ADCK1: variants seen among roughly 807,000 people sequenced by gnomAD.
ADCK1 encodes the protein aarF domain-containing protein kinase 1.
ADCK1 carries 41 observed loss-of-function variants against 52.3 expected under a neutral mutation model. That is an observed-to-expected ratio of 0.78 (90% CI 0.61 to 1.02). The LOEUF is 1.02. Among genes scored for constraint, ADCK1 ranks in the 50% least tolerant of loss-of-function variants. ADCK1 has a pLI of 0.00. For synonymous variants in ADCK1, 250 were observed against 274.6 expected, an observed-to-expected ratio of 0.91 and a Z score of 0.89; for missense variants, 658 against 679.5, an observed-to-expected ratio of 0.97 and a Z score of 0.35.
chr14:77,804,375 C>T (rs983692296), intron 1 of ADCK1, among the ~76,000 whole-genome samples: 3 of 152,206 alleles, frequency 2.0e-5, no homozygotes, highest in South Asian at 2.1e-4. Context: ...TAGCTCCAGT[C>T]TATTTAGATG....
At position 77,836,049 on chromosome 14, in the gene ADCK1, A is replaced by C. The variant is rs193033767; in HGVS notation, c.219+13531A>C. 2.6e-5 allele frequency among the ~76,000 whole-genome samples: 4 copies of C among 152,308 alleles called. No homozygotes were observed. The East Asian group carries it at 7.7e-4, about 29-fold the overall frequency. ...TGAGAAGTAGGACCTTCAAGAGATAATTAGGTCATAAGGGCTCTGCCCTCA... is the reference window on the plus strand; with the variant it reads ...TGAGAAGTAGGACCTTCAAGAGATACTTAGGTCATAAGGGCTCTGCCCTCA... On this transcript the variant is annotated intron_variant, in intron 3 of 10. Coordinates refer to ENST00000238561, the MANE Select transcript of ADCK1 (RefSeq NM_020421.4).
In ADCK1 at chr14:77,925,844, G is replaced by A; in HGVS notation, c.1089G>A (p.Glu363=). Residue 363 remains glutamate, a synonymous_variant, in exon 9 of 11, where the codon GAG becomes GAA. Coordinates refer to ENST00000238561, the MANE Select transcript of ADCK1 (RefSeq NM_020421.4). ...GGACTGACATGAAGAGAGTGAAGGA[G>A]TACAGCCAGCGACTGGGAGCCGGGG... ...LIWTDMKRVK[E]YSQRLGAGDL... 1 of 1,614,198 alleles carries A rather than the reference G, an allele frequency of 6.2e-7. No individual in the cohort carries two copies. The highest frequency in any genetic ancestry group is 8.5e-7 in the Non-Finnish European group (1 of 1,180,022).
At chr14:77,820,375 G>T (rs1259727465) in intron 2 of ADCK1, among the ~76,000 whole-genome samples, 1 of 151,700 alleles carries the variant, frequency 6.6e-6, no homozygotes, top group East Asian at 1.9e-4. Context: ...CTGTTGTCCA[G>T]GCTGGGATGC....
intron 7 of ADCK1, among the ~76,000 whole-genome samples, chr14:77,911,723 C>G (rs1406164778): frequency 6.6e-6 from 1 of 151,012 alleles, no homozygotes; most frequent in African/African-American, 2.4e-5. Flanking sequence ...CTTCTACCTC[C>G]CCAGCTTTCT....
intron 1 of ADCK1, among the ~76,000 whole-genome samples, chr14:77,807,521 T>G (rs2081255621): frequency 1.3e-5 from 2 of 150,814 alleles, no homozygotes; most frequent in African/African-American, 4.9e-5. Flanking sequence ...TTTTTTTTTT[T>G]TTTTTGAGAT....
intron 10 of ADCK1, 89 bp downstream of exon 10, chr14:77,931,800 C>T: frequency 1.5e-6 from 2 of 1,362,656 alleles, no homozygotes; most frequent in Middle Eastern, 2.3e-4. Flanking sequence ...CCCCACCAGT[C>T]TACAGGGCCC....
Position 77,855,110 on chromosome 14 carries a change from G to A in ADCK1, c.220-3966G>A, listed in dbSNP as rs562863524. 4.6e-5 allele frequency among the ~76,000 whole-genome samples: 7 copies of A among 152,338 alleles called. 1 individual carries two copies. The South Asian group carries it at 1.5e-3, about 32-fold the overall frequency. ...TTTCCTGCTTTCCCCCTCTGCCTTT[G>A]ACTCTGGTGCTTCTTTCCCCACGTG... On this transcript the variant is annotated intron_variant, in intron 3 of 10. Coordinates refer to ENST00000238561, the MANE Select transcript of ADCK1 (RefSeq NM_020421.4).
Position 77,886,917 on chromosome 14 carries a change from C to A in ADCK1, c.424-174C>A, listed in dbSNP as rs4899680. 1.1e-4 allele frequency among the ~76,000 whole-genome samples: 5 copies of A among 46,194 alleles called. 1 individual carries two copies. The highest frequency in any genetic ancestry group is 6.8e-4 in the Admixed American group (2 of 2,924). The allele number at this position is 46,194 out of a possible 152,430, so 30.3% of individuals were successfully genotyped here. On this transcript the variant is annotated intron_variant, in intron 4 of 10. Transcript: ENST00000238561. ...GCGGGACTCTGTCTCAACACACACA[C>A]ACACACACACACACACACACACACG...
At chr14:77,932,069 GAC>G (rs1214141119) in intron 10 of ADCK1, among the ~76,000 whole-genome samples, 1 of 151,780 alleles carries the variant, frequency 6.6e-6, no homozygotes, top group African/African-American at 2.4e-5. Context: ...TCTTTTTTGA[GAC>G]ACAGTCTGAC....
intron 1 of ADCK1, among the ~76,000 whole-genome samples, chr14:77,812,494 A>AGT (rs3049362): frequency 4.6e-5 from 7 of 151,732 alleles, no homozygotes; most frequent in Admixed American, 1.3e-4. Context: ...AATATTCCAT[A>AGT]GTGTGTGTGT....
intron 5 of ADCK1, among the ~76,000 whole-genome samples, chr14:77,898,441 A>G (rs900699753): frequency 6.6e-6 from 1 of 152,244 alleles, no homozygotes; most frequent in Non-Finnish European, 1.5e-5. Flanking sequence ...GATATACACC[A>G]TGGAATACTA....
chr14:77,886,014 G>A (rs1208875259), intron 4 of ADCK1, among the ~76,000 whole-genome samples: 1 of 152,196 alleles, frequency 6.6e-6, no homozygotes, highest in Non-Finnish European at 1.5e-5. Flanking sequence ...AAGGAAGAGT[G>A]AGGAGTATAT....
intron 3 of ADCK1, among the ~76,000 whole-genome samples, chr14:77,824,468 C>A (rs896477343): frequency 7.2e-6 from 1 of 139,426 alleles, no homozygotes; most frequent in African/African-American, 2.7e-5. Context: ...GAGTCTTGCT[C>A]TGTTGCCCAG....
rs1175478768 is a variant in ADCK1 at position 77,814,962 on chromosome 14, C to G, written c.-11-4006C>G. On this transcript the variant is annotated intron_variant, in intron 1 of 10. Coordinates refer to ENST00000238561, the MANE Select transcript of ADCK1 (RefSeq NM_020421.4). ...AGTGCAGTGGCACCATCTCAGCTCA[C>G]TGCAACTTCTACCACCTGGGTTCAA... Among the ~76,000 whole-genome samples, 3 of 151,058 alleles carry G rather than the reference C, an allele frequency of 2.0e-5. No homozygotes were observed. In the East Asian group the frequency reaches 5.8e-4, roughly 29 times the overall value.
intron 3 of ADCK1, among the ~76,000 whole-genome samples, chr14:77,841,248 A>C (rs2082059563): frequency 6.6e-6 from 1 of 152,120 alleles, no homozygotes; most frequent in Non-Finnish European, 1.5e-5. Flanking sequence ...GATAGACTAG[A>C]GTGAACGATA....
At chr14:77,825,135 CA>C (rs2081665325) in intron 3 of ADCK1, among the ~76,000 whole-genome samples, 1 of 152,126 alleles carries the variant, frequency 6.6e-6, no homozygotes, top group Admixed American at 6.6e-5. Context: ...TTATTCTTGC[CA>C]CAGACGATAG....
At chr14:77,864,635 A>ATGTGTG (rs3082711) in intron 4 of ADCK1, among the ~76,000 whole-genome samples, 1,522 of 150,474 alleles carry the variant, frequency 0.01, 12 homozygotes, top group East Asian at 0.02. Context: ...TAGGATATGA[A>ATGTGTG]TGTGTGTGTG....
At chr14:77,811,612 G>T (rs1008274871) in intron 1 of ADCK1, among the ~76,000 whole-genome samples, 9 of 152,260 alleles carry the variant, frequency 5.9e-5, no homozygotes, top group Admixed American at 2.0e-4. Context: ...AGACCAACTT[G>T]AGCAACATAG....
intron 4 of ADCK1, among the ~76,000 whole-genome samples, chr14:77,862,443 G>C (rs958233775): frequency 2.0e-5 from 3 of 152,152 alleles, no homozygotes; most frequent in Non-Finnish European, 4.4e-5. Context: ...TTCTCTTTGT[G>C]GGGGGATCCC....
Sources: allele counts gnomAD v4.1 joint callset (sites outside exome capture counted in the v4.1 genomes callset), GRCh38; gene constraint gnomAD v4.1.1; transcripts MANE v1.5; gene names NCBI Gene and HGNC (gene_info 2026-07-23, HGNC 2026-07-21).